Variants in PDE11A observed in about 807,000 individuals in gnomAD.
The protein encoded by PDE11A is phosphodiesterase 11A.
PDE11A carries 100 observed loss-of-function variants against 100.5 expected under a neutral mutation model. The ratio of observed to expected loss-of-function variants is 1.00; its 90% CI spans 0.85 to 1.18. The LOEUF (loss-of-function observed/expected upper bound fraction) is 1.18. PDE11A is among the 50% of genes most tolerant of loss of function. The pLI is 0.00. For synonymous variants in PDE11A, 381 were observed against 420.8 expected (o/e 0.91, Z 1.16); for missense variants, 1,141 against 1,152.6 (o/e 0.99, Z 0.15).
chr2:177,838,140 TC>T (rs1353039390), intron 6 of PDE11A, among the ~76,000 whole-genome samples: 1 of 152,210 alleles, frequency 6.6e-6, no homozygotes, highest in African/African-American at 2.4e-5. Flanking sequence ...AAACCTGTTT[TC>T]CTCATGGAAC....
chr2:177,994,596 A>G (rs541403710), intron 2 of PDE11A, among the ~76,000 whole-genome samples: 10 of 152,210 alleles, frequency 6.6e-5, no homozygotes, highest in Non-Finnish European at 1.5e-4. Flanking sequence ...TAATTTCAAG[A>G]AGGAGAATGA....
rs2087139521 is a variant in PDE11A, at chr2:178,072,034, C to T, written c.404G>A (p.Arg135Lys). ...FARSKAIHVN[R>K]TYDEQVTSRA... ...GGAGGTCACCTGTTCATCGTAGGTC[C>T]TGTTCACGTGGATGGCCTTGGAGCG... The change falls in exon 1 of 20, where the codon AGG becomes AAG. Residue 135 changes from arginine (R) to lysine (K), a missense_variant. Arg to Lys is a conservative substitution (Grantham distance 26, BLOSUM62 2). Transcript: ENST00000286063. 1.2e-6 allele frequency: 2 copies of T among 1,613,712 alleles called. No homozygotes were observed. Among genetic ancestry groups the T allele is most frequent in the African/African-American group, 1.3e-5 (1 of 74,918 alleles).
At chr2:177,645,372 T>C (rs902216671) in intron 19 of PDE11A, among the ~76,000 whole-genome samples, 1 of 140,974 alleles carries the variant, frequency 7.1e-6, no homozygotes, top group African/African-American at 3.2e-5. Flanking sequence ...ATATATAATC[T>C]TTTTAGTAGA....
intron 2 of PDE11A, among the ~76,000 whole-genome samples, chr2:177,984,630 G>A (rs1193451725): frequency 1.3e-5 from 2 of 152,038 alleles, no homozygotes; most frequent in African/African-American, 2.4e-5. Context: ...TAAAATAAAA[G>A]CTACACATGT....
chr2:177,807,015 CA>C (rs1324330745), intron 9 of PDE11A, among the ~76,000 whole-genome samples: 1 of 151,942 alleles, frequency 6.6e-6, no homozygotes, highest in African/African-American at 2.4e-5. Context: ...AGATATTAGC[CA>C]AGTATTTTCT....
chr2:177,658,734 T>A (rs1316625473), intron 19 of PDE11A, among the ~76,000 whole-genome samples: 2 of 150,134 alleles, frequency 1.3e-5, no homozygotes, highest in African/African-American at 2.5e-5. Flanking sequence ...TTTTTTTTTT[T>A]AATATCTGAT....
intron 2 of PDE11A, among the ~76,000 whole-genome samples, chr2:177,962,159 A>G (rs1282246059): frequency 6.6e-6 from 1 of 151,296 alleles, no homozygotes; most frequent in African/African-American, 2.4e-5. Flanking sequence ...GTCATCTCAT[A>G]TTGCAATTTA....
At chr2:177,835,768 C>T (rs977627680) in intron 6 of PDE11A, among the ~76,000 whole-genome samples, 33 of 152,304 alleles carry the variant, frequency 2.2e-4, no homozygotes, top group Admixed American at 7.8e-4. Context: ...GCATTCGGAG[C>T]GGCCAGCTGG....
intron 2 of PDE11A, among the ~76,000 whole-genome samples, chr2:177,986,035 T>A (rs1574324200): frequency 2.0e-5 from 3 of 152,192 alleles, no homozygotes; most frequent in African/African-American, 4.8e-5. Context: ...ACTTTCTGAG[T>A]CCTTTTTTGT....
intron 2 of PDE11A, among the ~76,000 whole-genome samples, chr2:177,916,001 C>A (rs2084946964): frequency 6.6e-6 from 1 of 152,184 alleles, no homozygotes; most frequent in Non-Finnish European, 1.5e-5. Flanking sequence ...ATCCCAATTA[C>A]CCGAACATGA....
chr2:177,731,168 G>A (rs1396460651), intron 10 of PDE11A, among the ~76,000 whole-genome samples: 4 of 151,778 alleles, frequency 2.6e-5, no homozygotes, highest in Non-Finnish European at 5.9e-5. Flanking sequence ...CCACATTTTT[G>A]TTCCATTCAT....
chr2:178,012,471 A>C (rs971761133), intron 2 of PDE11A, among the ~76,000 whole-genome samples: 1 of 152,188 alleles, frequency 6.6e-6, no homozygotes, highest in East Asian at 1.9e-4. Context: ...AGTGGTGAAT[A>C]GTATAGTTGA....
rs2079971548 is a variant in PDE11A, at chr2:177,632,717, C to T, written c.2647-3155G>A. 2.0e-5 allele frequency among the ~76,000 whole-genome samples: 3 copies of T among 152,160 alleles called. No individual in the cohort carries two copies. In the South Asian group the frequency reaches 6.2e-4, roughly 31 times the overall value. Reference sequence around the variant, plus strand: ...AATGCAGTATTTCACTTTATTTCCCCTTTTCACAGGAAATCCCATCACCCT... The same window carrying T: ...AATGCAGTATTTCACTTTATTTCCCTTTTTCACAGGAAATCCCATCACCCT... On this transcript the variant is annotated intron_variant, in intron 19 of 19. Coordinates refer to ENST00000286063, the MANE Select transcript of PDE11A (RefSeq NM_016953.4).
rs1325670231 is a variant in PDE11A at position 177,998,592 on chromosome 2, G to A, written c.1071+15710C>T. On this transcript the variant is annotated intron_variant, in intron 2 of 19. Transcript: ENST00000286063. ...TAACTGTGCATTGATAGCAGAATCA[G>A]CCAATTCTGTAAAATGCTTAAAGAA... 6 of 1,299,962 alleles carry A rather than the reference G, an allele frequency of 4.6e-6. No individual in the cohort carries two copies. The Admixed American group carries it at 1.0e-4, about 22-fold the overall frequency. The allele number at this position is 1,299,962 out of a possible 1,614,324, so 80.5% of individuals were successfully genotyped here.
At chr2:177,659,136 C>A (rs2080435252) in intron 19 of PDE11A, among the ~76,000 whole-genome samples, 1 of 151,924 alleles carries the variant, frequency 6.6e-6, no homozygotes, top group Non-Finnish European at 1.5e-5. Flanking sequence ...TGGTGCATGC[C>A]TGTAATCTCT....
At chr2:178,013,118 C>T (rs1008381103) in intron 2 of PDE11A, among the ~76,000 whole-genome samples, 2 of 152,164 alleles carry the variant, frequency 1.3e-5, no homozygotes, top group Non-Finnish European at 2.9e-5. Flanking sequence ...TCCAGGAAGC[C>T]TTTTCAGATC....
At chr2:177,635,683 ACAGAT>A (rs2080028306) in intron 19 of PDE11A, among the ~76,000 whole-genome samples, 1 of 152,194 alleles carries the variant, frequency 6.6e-6, no homozygotes, top group East Asian at 1.9e-4. Context: ...CCTAGAGGCA[ACAGAT>A]GTTTTCAGTG....
chr2:177,863,696 G>A (rs1247668143), intron 5 of PDE11A, among the ~76,000 whole-genome samples: 1 of 120,834 alleles, frequency 8.3e-6, no homozygotes, highest in Non-Finnish European at 1.9e-5. Flanking sequence ...GATGACAAAT[G>A]TTGGTGAGGT....
At chr2:177,800,474 A>G (rs1242785636) in intron 9 of PDE11A, among the ~76,000 whole-genome samples, 3 of 152,088 alleles carry the variant, frequency 2.0e-5, no homozygotes, top group African/African-American at 7.2e-5. Flanking sequence ...CCCAGCCTCT[A>G]ACAGTCTAAT....
Sources: gnomAD v4.1 joint callset for allele counts (sites outside exome capture counted in the v4.1 genomes callset) on GRCh38, gnomAD v4.1.1 for gene constraint, MANE v1.5 for transcripts, NCBI Gene and HGNC (gene_info 2026-07-23, HGNC 2026-07-21) for gene names.